ARSH: variants seen among roughly 807,000 people sequenced by gnomAD.
ARSH encodes the protein arylsulfatase family member H.
Under a neutral mutation model 28.7 loss-of-function variants are expected in ARSH, and 32 were observed. The ratio of observed to expected loss-of-function variants is 1.11; its 90% CI spans 0.84 to 1.50. The LOEUF (loss-of-function observed/expected upper bound fraction) is 1.50, where lower values mean the gene tolerates loss of function less well. Among genes scored for constraint, ARSH ranks in the 40% most tolerant of loss-of-function variants. The pLI is 0.00. For synonymous variants in ARSH, 176 were observed against 177.3 expected (o/e 0.99, Z 0.06); for missense variants, 440 against 452.4 (o/e 0.97, Z 0.25).
At chrX:3,019,136 G>A (rs778400009) in intron 5 of ARSH, among the ~76,000 whole-genome samples, 1 of 109,294 alleles carries the variant, frequency 9.1e-6, no homozygotes, top group South Asian at 4.0e-4. Flanking sequence ...ATGGTTATGC[G>A]GGCCTGTAGT....
At chrX:3,020,556 T>C (rs1603463455) in intron 5 of ARSH, among the ~76,000 whole-genome samples, 1 of 80,286 alleles carries the variant, frequency 1.2e-5, no homozygotes, top group African/African-American at 5.1e-5. Context: ...GCCACTGCAC[T>C]CCAGCCTGGG....
chrX:3,023,944 A>G (rs2089891523), intron 5 of ARSH, 77 bp from the exon 6 acceptor site: 3 of 1,098,164 alleles, frequency 2.7e-6, no homozygotes, highest in Non-Finnish European at 3.8e-6. Context: ...TAATAAATAC[A>G]TAGTAGCAGA....
intron 7 of ARSH, among the ~76,000 whole-genome samples, 170 bp from the exon 8 acceptor site, chrX:3,029,077 C>CAA (rs377018684): frequency 0.012 from 973 of 80,994 alleles, 3 homozygotes; most frequent in Middle Eastern, 0.033. Flanking sequence ...GACTCCATTT[C>CAA]AAAAAAAAAA....
At chrX:3,030,080 A>C (rs1220901554) in intron 8 of ARSH, among the ~76,000 whole-genome samples, 4 of 109,959 alleles carry the variant, frequency 3.6e-5, no homozygotes, top group Admixed American at 2.9e-4. Context: ...ATGCCATTGC[A>C]ATATTTTCAT....
intron 7 of ARSH, among the ~76,000 whole-genome samples, chrX:3,028,846 G>A (rs968888980): frequency 7.3e-5 from 8 of 110,312 alleles, no homozygotes. Flanking sequence ...TTGGGAGGCC[G>A]AGGCAGGCGG....
intron 5 of ARSH, among the ~76,000 whole-genome samples, chrX:3,020,453 G>A (rs1328595913): frequency 9.4e-6 from 1 of 106,055 alleles, no homozygotes; most frequent in Non-Finnish European, 1.9e-5. Context: ...GCCGGGCGCG[G>A]TGGCGGGCGC....
At chrX:3,018,075 C>T (rs1461695978) in intron 4 of ARSH, among the ~76,000 whole-genome samples, 3 of 112,028 alleles carry the variant, frequency 2.7e-5, no homozygotes, top group Non-Finnish European at 1.9e-5. Context: ...TAATAGCTCA[C>T]GGCAGCCTCC....
In ARSH at chrX:3,033,296, A is replaced by G; in HGVS notation, c.1600A>G (p.Ile534Val). ...ACAGCAGTTCTCTGTGTTCAACACA[A>G]TTTGGAAACCATGGCTGCAGCCTTG... ...VPQQFSVFNT[I>V]WKPWLQPCCG... The change falls in exon 9 of 9, where the codon ATT becomes GTT. Residue 534 changes from isoleucine to valine, a missense_variant. Ile to Val is a conservative substitution (Grantham distance 29, BLOSUM62 3). Coordinates refer to ENST00000381130, the MANE Select transcript of ARSH (RefSeq NM_001011719.2). 8.3e-7 allele frequency: 1 copy of G among 1,211,216 alleles called. No individual in the cohort carries two copies. The highest frequency in any genetic ancestry group is 1.7e-5 in the African/African-American group (1 of 57,865).
intron 6 of ARSH, among the ~76,000 whole-genome samples, chrX:3,024,792 T>G (rs1236437100): frequency 9.0e-6 from 1 of 111,304 alleles, no homozygotes; most frequent in Non-Finnish European, 1.9e-5. Context: ...ATAGACTTCA[T>G]GCCGGGTTGT....
intron 5 of ARSH, among the ~76,000 whole-genome samples, chrX:3,021,038 TA>T (rs200766270): frequency 0.01 from 1,155 of 111,816 alleles, 4 homozygotes; most frequent in Middle Eastern, 0.038. Flanking sequence ...GTATGTTGCA[TA>T]TATACACATT....
chrX:3,014,196 G>T (rs1284026997), intron 3 of ARSH, among the ~76,000 whole-genome samples: 1 of 111,843 alleles, frequency 8.9e-6, no homozygotes, highest in African/African-American at 3.2e-5. Flanking sequence ...GAGCCAAGGA[G>T]TTCGAGGCTA....
intron 8 of ARSH, among the ~76,000 whole-genome samples, chrX:3,029,707 T>A (rs2086112627): frequency 9.2e-6 from 1 of 109,106 alleles, no homozygotes; most frequent in African/African-American, 3.3e-5. Context: ...ATTTTTGTAT[T>A]TTTAGTAGAG....
chrX:3,032,018 T>C (rs905296289), intron 8 of ARSH, among the ~76,000 whole-genome samples: 1 of 111,822 alleles, frequency 8.9e-6, no homozygotes, highest in Non-Finnish European at 1.9e-5. Context: ...GATGATTTGA[T>C]CCTATTTTAG....
At chrX:3,019,368 A>G (rs2089875170) in intron 5 of ARSH, among the ~76,000 whole-genome samples, 1 of 111,730 alleles carries the variant, frequency 9.0e-6, no homozygotes, top group African/African-American at 3.2e-5. Context: ...CAGGAAATAC[A>G]TAGAAAATTG....
At chrX:3,023,537 CAT>C (rs2089890242) in intron 5 of ARSH, among the ~76,000 whole-genome samples, 1 of 106,085 alleles carries the variant, frequency 9.4e-6, no homozygotes, top group African/African-American at 3.4e-5. Context: ...ATTGTAAAGT[CAT>C]ATGGTATAAT....
intron 5 of ARSH, among the ~76,000 whole-genome samples, chrX:3,019,232 T>C (rs1308008781): frequency 1.1e-5 from 1 of 95,042 alleles, no homozygotes; most frequent in East Asian, 3.3e-4. Context: ...ACCACTGCAC[T>C]CCAGCCTGAG....
At chrX:3,013,666 A>G (rs940788758) in intron 3 of ARSH, among the ~76,000 whole-genome samples, 1 of 110,857 alleles carries the variant, frequency 9.0e-6, no homozygotes, top group African/African-American at 3.3e-5. Context: ...TTCCAGTCCT[A>G]GAAGATAGTC....
intron 4 of ARSH, 91 bp from the exon 5 acceptor site, chrX:3,018,443 T>TGA: frequency 1.0e-6 from 1 of 966,506 alleles, no homozygotes; most frequent in Non-Finnish European, 1.4e-6. Flanking sequence ...CCAGCTATTA[T>TGA]GAGATCTTTT....
intron 7 of ARSH, among the ~76,000 whole-genome samples, chrX:3,028,976 G>T (rs950667789): frequency 1.8e-5 from 2 of 108,678 alleles, no homozygotes; most frequent in African/African-American, 6.7e-5. Flanking sequence ...TACTTGGGAA[G>T]CTGAGGCAGG....
Sources: allele counts gnomAD v4.1 joint callset (sites outside exome capture counted in the v4.1 genomes callset), GRCh38; gene constraint gnomAD v4.1.1; transcripts MANE v1.5; gene names NCBI Gene and HGNC (gene_info 2026-07-23, HGNC 2026-07-21).